AFG2A: variants seen among roughly 807,000 people sequenced by gnomAD.
AFG2A encodes ATPase family gene 2 protein homolog A.
At chr4:123,167,189 ATATT>A in the AFG2A span, among the ~76,000 whole-genome samples, 1 of 148,434 alleles carries the variant, frequency 6.7e-6, no homozygotes, top group Non-Finnish European at 1.5e-5. Context: ...ATATCATTAT[ATATT>A]TATATATTAT....
At chr4:123,172,246 A>G in the AFG2A span, among the ~76,000 whole-genome samples, 1 of 152,226 alleles carries the variant, frequency 6.6e-6, no homozygotes, top group African/African-American at 2.4e-5. Context: ...GATGTGTGTC[A>G]GCATTCATCC....
At chr4:122,938,640 G>C in the AFG2A span, among the ~76,000 whole-genome samples, 2 of 152,048 alleles carry the variant, frequency 1.3e-5, no homozygotes, top group Non-Finnish European at 2.9e-5. Flanking sequence ...ATCCAGGCTG[G>C]AGTGCAGTGG....
the AFG2A span, among the ~76,000 whole-genome samples, chr4:123,205,969 C>T: frequency 1.3e-5 from 2 of 152,038 alleles, no homozygotes; most frequent in African/African-American, 4.8e-5. Context: ...GAACCCATTC[C>T]CCCAAATCCC....
chr4:122,952,963 T>A, the AFG2A span, among the ~76,000 whole-genome samples: 4 of 152,168 alleles, frequency 2.6e-5, no homozygotes, highest in African/African-American at 9.7e-5. Flanking sequence ...AGTAATCTAG[T>A]GTCATTGTCC....
chr4:122,943,699 G>T, the AFG2A span, among the ~76,000 whole-genome samples: 1 of 152,074 alleles, frequency 6.6e-6, no homozygotes, highest in African/African-American at 2.4e-5. Flanking sequence ...TGGTTATTTT[G>T]CTCATTAGTT....
the AFG2A span, among the ~76,000 whole-genome samples, chr4:123,122,773 G>GTTTTTTTTTTTTTTTTTTTTTTTTT: frequency 7.1e-6 from 1 of 140,080 alleles, no homozygotes; most frequent in Non-Finnish European, 1.6e-5. Context: ...CATGTCATCT[G>GTTTTTTTTTTTTTTTTTTTTTTTTT]TTTTTTTGTT....
At chr4:123,164,444 A>G in the AFG2A span, among the ~76,000 whole-genome samples, 1 of 151,448 alleles carries the variant, frequency 6.6e-6, no homozygotes, top group African/African-American at 2.4e-5. Context: ...GCTCACTACA[A>G]CCTCCGCCTC....
At chr4:122,962,378 T>C in the AFG2A span, among the ~76,000 whole-genome samples, 7 of 152,288 alleles carry the variant, frequency 4.6e-5, no homozygotes, top group Admixed American at 2.0e-4. Flanking sequence ...AATTCTAAAA[T>C]GTAGTTATAG....
At chr4:123,188,434 T>C in the AFG2A span, among the ~76,000 whole-genome samples, 1 of 152,212 alleles carries the variant, frequency 6.6e-6, no homozygotes, top group Admixed American at 6.5e-5. Flanking sequence ...ATAACATTTC[T>C]GCAGTGTACC....
the AFG2A span, among the ~76,000 whole-genome samples, chr4:123,306,306 A>C: frequency 6.6e-6 from 1 of 152,136 alleles, no homozygotes; most frequent in African/African-American, 2.4e-5. Flanking sequence ...TTTTTGTCAG[A>C]TATTCGATCG....
chr4:122,976,193 TGA>T, the AFG2A span, among the ~76,000 whole-genome samples: 1 of 152,204 alleles, frequency 6.6e-6, no homozygotes, highest in Admixed American at 6.5e-5. Context: ...ACTGGATTTC[TGA>T]GAGATCTCTG....
the AFG2A span, among the ~76,000 whole-genome samples, chr4:123,195,840 A>G: frequency 6.6e-6 from 1 of 152,166 alleles, no homozygotes; most frequent in Non-Finnish European, 1.5e-5. Flanking sequence ...CAACCTGGAA[A>G]TGCTGGTAAT....
the AFG2A span, among the ~76,000 whole-genome samples, chr4:123,296,927 T>C: frequency 9.8e-5 from 15 of 152,362 alleles, no homozygotes; most frequent in East Asian, 2.5e-3. Context: ...CTCAGAATTA[T>C]AGCATGAAGT....
the AFG2A span, among the ~76,000 whole-genome samples, chr4:122,948,182 T>C: frequency 1.3e-5 from 2 of 152,118 alleles, no homozygotes; most frequent in African/African-American, 4.8e-5. Context: ...GGGTCAACTG[T>C]ATTTACATAG....
At chr4:123,019,104 C>T in the AFG2A span, among the ~76,000 whole-genome samples, 13 of 151,956 alleles carry the variant, frequency 8.6e-5, no homozygotes, top group South Asian at 2.7e-3. Context: ...AAATATTTAC[C>T]ACATGCCAGG....
the AFG2A span, among the ~76,000 whole-genome samples, chr4:122,951,433 TACACACAC>T: frequency 2.0e-5 from 3 of 148,600 alleles, no homozygotes; most frequent in Non-Finnish European, 3.0e-5. Flanking sequence ...TTTTCCAAAG[TACACACAC>T]ACACACACAC....
the AFG2A span, among the ~76,000 whole-genome samples, chr4:123,167,155 C>G: frequency 6.7e-6 from 1 of 149,520 alleles, no homozygotes; most frequent in Admixed American, 6.7e-5. Context: ...CAACTGGTTT[C>G]AGGGCCTTAT....
chr4:123,114,703 C>T, the AFG2A span, among the ~76,000 whole-genome samples: 1 of 152,206 alleles, frequency 6.6e-6, no homozygotes, highest in Non-Finnish European at 1.5e-5. Context: ...CTGGGGAGCT[C>T]TCACCCTACC....
chr4:123,237,453 A>G, the AFG2A span, among the ~76,000 whole-genome samples: 26 of 151,928 alleles, frequency 1.7e-4, no homozygotes, highest in African/African-American at 6.0e-4. Flanking sequence ...TAGTGACGCC[A>G]CTTGAGGCCA....
Sources: gnomAD v4.1 joint callset for allele counts (sites outside exome capture counted in the v4.1 genomes callset) on GRCh38, gnomAD v4.1.1 for gene constraint, MANE v1.5 for transcripts, NCBI Gene and HGNC (gene_info 2026-07-23, HGNC 2026-07-21) for gene names.